RBFOX2: variants seen among roughly 807,000 people sequenced by gnomAD.
The protein encoded by RBFOX2 is RNA binding fox-1 homolog 2, also known as RNA binding protein fox-1 homolog 2.
RBFOX2 carries 10 observed loss-of-function variants against 49.1 expected under a neutral mutation model. That is an observed-to-expected ratio of 0.20 (90% CI 0.13 to 0.35). RBFOX2 has a LOEUF of 0.35. Among genes scored for constraint, RBFOX2 ranks in the 10% least tolerant of loss-of-function variants. RBFOX2 has a pLI of 1.00. For missense variants in RBFOX2, 323 were observed against 486.9 expected (o/e 0.66, Z 3.17); for synonymous variants, 183 against 187.4 (o/e 0.98, Z 0.19).
At chr22:35,849,332 C>G (rs1008038653) in intron 1 of RBFOX2, among the ~76,000 whole-genome samples, 9 of 149,614 alleles carry the variant, frequency 6.0e-5, no homozygotes, top group African/African-American at 2.0e-4. Context: ...CACACACACA[C>G]AGACACACAG....
intron 1 of RBFOX2, among the ~76,000 whole-genome samples, chr22:35,881,125 C>T (rs1054305385): frequency 9.2e-5 from 14 of 151,956 alleles, no homozygotes; most frequent in East Asian, 3.9e-4. Context: ...ATTAGCTGGG[C>T]GTGGTGGCGG....
intron 1 of RBFOX2, among the ~76,000 whole-genome samples, chr22:35,933,556 T>G (rs1436823112): frequency 6.6e-6 from 1 of 152,150 alleles, no homozygotes; most frequent in Non-Finnish European, 1.5e-5. Context: ...TCTGTTCTAA[T>G]CCTCTTCCCT....
upstream of RBFOX2, among the ~76,000 whole-genome samples, chr22:35,940,356 ACAT>A (rs1476879509): frequency 1.3e-5 from 2 of 152,246 alleles, no homozygotes; most frequent in Non-Finnish European, 2.9e-5. Context: ...GAGATGCTCA[ACAT>A]CATAAGTCAT....
intron 1 of RBFOX2, among the ~76,000 whole-genome samples, chr22:35,887,338 T>C (rs2046700021): frequency 6.6e-6 from 1 of 152,142 alleles, no homozygotes; most frequent in South Asian, 2.1e-4. Context: ...CTGTTCTCTA[T>C]GCCTTTTCTG....
chr22:36,006,440 A>T (rs999035391), intron 1 of RBFOX2, among the ~76,000 whole-genome samples: 2 of 152,240 alleles, frequency 1.3e-5, no homozygotes, highest in Middle Eastern at 3.2e-3. Context: ...GTACAACATA[A>T]CCAAATACAG....
chr22:35,888,310 T>C (rs1476589977), intron 1 of RBFOX2, among the ~76,000 whole-genome samples: 1 of 152,204 alleles, frequency 6.6e-6, no homozygotes, highest in Non-Finnish European at 1.5e-5. Flanking sequence ...TGCAATATAG[T>C]AGTCATGTAT....
chr22:35,906,129 G>A (rs376097228), intron 1 of RBFOX2, among the ~76,000 whole-genome samples: 6 of 151,992 alleles, frequency 3.9e-5, no homozygotes, highest in African/African-American at 1.5e-4. Flanking sequence ...CATGCATACC[G>A]CATATGTCAT....
intron 1 of RBFOX2, among the ~76,000 whole-genome samples, chr22:35,830,487 T>C (rs969963403): frequency 2.0e-5 from 3 of 152,220 alleles, no homozygotes; most frequent in East Asian, 1.9e-4. Context: ...CTGAGAAACG[T>C]GTCCTTAAGC....
chr22:35,811,228 G>C (rs992118749), intron 1 of RBFOX2, among the ~76,000 whole-genome samples: 1 of 152,118 alleles, frequency 6.6e-6, no homozygotes, highest in South Asian at 2.1e-4. Flanking sequence ...AGTGGGAAGG[G>C]GCAGAGTCAT....
At chr22:35,933,372 AT>A (rs757272752) in intron 1 of RBFOX2, among the ~76,000 whole-genome samples, 20 of 152,376 alleles carry the variant, frequency 1.3e-4, no homozygotes, top group Admixed American at 6.5e-4. Flanking sequence ...AAATATATAC[AT>A]TTGTATTCAT....
chr22:35,876,697 A>G lies in RBFOX2; in HGVS notation c.-34+62150T>C, dbSNP rs988764970. ...AACTCTGATCACATTCTCCCATTAA[A>G]AGAAACACACACACACACACACACA... is the stretch of plus-strand genomic sequence containing the variant. On this transcript the variant is annotated intron_variant, in intron 1 of 13. Coordinates refer to the RBFOX2 transcript ENST00000359369. Among the ~76,000 whole-genome samples the G allele has an allele frequency of 5.8e-5, 8 of 139,018 alleles. No homozygotes were observed. The East Asian group carries it at 1.6e-3, about 28-fold the overall frequency. 91.2% of individuals were successfully genotyped at this position (139,018 alleles called of 152,430 possible).
intron 1 of RBFOX2, chr22:35,822,827 C>CTTTT: frequency 3.1e-5 from 12 of 389,536 alleles, no homozygotes; most frequent in East Asian, 1.5e-4. Context: ...TTTGGGTTGT[C>CTTTT]TTTTTTTTTT....
chr22:36,027,434 C>T (rs1337443349), intron 1 of RBFOX2, among the ~76,000 whole-genome samples: 2 of 152,196 alleles, frequency 1.3e-5, no homozygotes, highest in Non-Finnish European at 2.9e-5. Flanking sequence ...GACATCAATA[C>T]CTTTCCCATT....
At chr22:35,874,269 T>G (rs996649141) in intron 1 of RBFOX2, among the ~76,000 whole-genome samples, 1 of 152,064 alleles carries the variant, frequency 6.6e-6, no homozygotes, top group Non-Finnish European at 1.5e-5. Context: ...CAAGGCAATG[T>G]AAAAGGTACA....
chr22:35,738,837 G>A (rs1423573368), exon 12 of RBFOX2: 1 of 152,550 alleles, frequency 6.6e-6, no homozygotes. Context: ...CCAGCAACAT[G>A]ATCAATAATT....
rs1206293973 is a variant in RBFOX2, at chr22:35,767,497, A to G, written c.546+760T>C. On this transcript the variant is annotated intron_variant, in intron 5 of 11. Coordinates refer to ENST00000405409, the Ensembl canonical transcript of RBFOX2. Reference sequence around the variant, plus strand: ...CAAAATATGCAGACATCTTACTCAAAATGGTGGCTTTTACATTTAATACTT... The same window carrying G: ...CAAAATATGCAGACATCTTACTCAAGATGGTGGCTTTTACATTTAATACTT... 2.0e-5 allele frequency among the ~76,000 whole-genome samples: 3 copies of G among 152,136 alleles called. No individual in the cohort carries two copies. The East Asian group carries it at 5.8e-4, about 29-fold the overall frequency.
intron 1 of RBFOX2, among the ~76,000 whole-genome samples, chr22:35,862,799 GA>G (rs2043245989): frequency 6.6e-6 from 1 of 152,136 alleles, no homozygotes; most frequent in Non-Finnish European, 1.5e-5. Context: ...TCTTCGTCTG[GA>G]AAAAGAAGAT....
chr22:35,767,350 GTGCTTT>G (rs746823636), intron 5 of RBFOX2, among the ~76,000 whole-genome samples: 2 of 152,134 alleles, frequency 1.3e-5, no homozygotes, highest in African/African-American at 4.8e-5. Context: ...TTCTTCTCTA[GTGCTTT>G]TGTTCACTTA....
chr22:36,001,185 A>G (rs2058401152), intron 1 of RBFOX2, among the ~76,000 whole-genome samples: 1 of 1,088 alleles, frequency 9.2e-4, no homozygotes, highest in Non-Finnish European at 2.1e-3. Context: ...CCCAAAACAT[A>G]CACACACACA....
Sources: allele counts gnomAD v4.1 joint callset (sites outside exome capture counted in the v4.1 genomes callset), GRCh38; gene constraint gnomAD v4.1.1; transcripts MANE v1.5; gene names NCBI Gene and HGNC (gene_info 2026-07-23, HGNC 2026-07-21).